CNIH3: variants seen among roughly 807,000 people sequenced by gnomAD.
CNIH3 encodes the protein protein cornichon homolog 3.
Under a neutral mutation model 24.1 loss-of-function variants are expected in CNIH3, and 14 were observed. The ratio of observed to expected loss-of-function variants is 0.58; its 90% CI spans 0.38 to 0.91. The LOEUF is 0.91. CNIH3 is among the 40% of genes least tolerant of loss of function. The pLI, the probability that CNIH3 is intolerant of heterozygous loss-of-function variation, is 0.00. For synonymous variants in CNIH3, 68 were observed against 73.8 expected (o/e 0.92, Z 0.40); for missense variants, 178 against 196.8 (o/e 0.90, Z 0.57).
intron 3 of CNIH3, among the ~76,000 whole-genome samples, chr1:224,559,025 G>T (rs771764616): frequency 6.6e-6 from 1 of 152,192 alleles, no homozygotes; most frequent in Non-Finnish European, 1.5e-5. Context: ...GTACTTAAAA[G>T]CACGCTTTGC....
chr1:224,493,027 G>A (rs751312063), intron 1 of CNIH3, among the ~76,000 whole-genome samples: 3 of 152,182 alleles, frequency 2.0e-5, no homozygotes, highest in Non-Finnish European at 4.4e-5. Context: ...TAAGGATTGA[G>A]TCAACGATTT....
At chr1:224,682,490 C>T (rs1053872212) in intron 2 of CNIH3, among the ~76,000 whole-genome samples, 1 of 152,198 alleles carries the variant, frequency 6.6e-6, no homozygotes, top group East Asian at 1.9e-4. Flanking sequence ...CGAACTCTTT[C>T]AAAGCAAATT....
chr1:224,656,358 C>G (rs1685094731), intron 1 of CNIH3, among the ~76,000 whole-genome samples: 1 of 152,120 alleles, frequency 6.6e-6, no homozygotes, highest in Non-Finnish European at 1.5e-5. Flanking sequence ...TTTTAAAATA[C>G]CAGAATATGG....
intron 1 of CNIH3, among the ~76,000 whole-genome samples, chr1:224,677,126 AC>A (rs1686177711): frequency 6.6e-6 from 1 of 152,156 alleles, no homozygotes; most frequent in Admixed American, 6.5e-5. Flanking sequence ...CTGAAATGGG[AC>A]CAGTAATAGT....
Position 224,684,692 on chromosome 1 carries a change from G to C in CNIH3, c.151-104G>C. 1 of 1,003,572 alleles carries C rather than the reference G, an allele frequency of 1.0e-6. No individual in the cohort carries two copies. The highest frequency in any genetic ancestry group is 1.6e-6 in the Non-Finnish European group (1 of 628,240). 62.2% of individuals were successfully genotyped at this position (1,003,572 alleles called of 1,614,324 possible). ...GCCATGTGCCCAGGAGGGGTCTCTG[G>C]TGGCTTCTGCCTCCACTATTGGGGC... On this transcript the variant is annotated intron_variant, in intron 2 of 5. Transcript: ENST00000272133. The surrounding 1 kb of genome is among the most constrained non-coding windows in gnomAD (Gnocchi z 4.2).
chr1:224,554,894 A>G (rs185888543), intron 3 of CNIH3, among the ~76,000 whole-genome samples: 39 of 152,334 alleles, frequency 2.6e-4, no homozygotes, highest in Non-Finnish European at 5.3e-4. Flanking sequence ...GTCCAGTATA[A>G]CAACTACTTA....
chr1:224,453,754 C>T (rs1227665427), intron 1 of CNIH3, among the ~76,000 whole-genome samples: 1 of 152,046 alleles, frequency 6.6e-6, no homozygotes, highest in Non-Finnish European at 1.5e-5. Context: ...TCAAGCCATC[C>T]TTCTGCCTCA....
At chr1:224,691,399 C>T (rs1686926533) in intron 3 of CNIH3, among the ~76,000 whole-genome samples, 1 of 152,218 alleles carries the variant, frequency 6.6e-6, no homozygotes, top group Non-Finnish European at 1.5e-5. Flanking sequence ...GGTGACAGGA[C>T]TTGTCCACTG....
intron 1 of CNIH3, among the ~76,000 whole-genome samples, chr1:224,472,788 TA>T (rs996001521): frequency 6.6e-6 from 1 of 152,084 alleles, no homozygotes; most frequent in Non-Finnish European, 1.5e-5. Context: ...CCTATTGAAA[TA>T]AAAAAATTAA....
At chr1:224,611,687 T>G (rs955750369), upstream of CNIH3, 3 of 152,200 alleles carry the variant, frequency 2.0e-5, no homozygotes, top group Admixed American at 2.0e-4. Flanking sequence ...AAAAATCAAG[T>G]AATTGGCTTT....
intron 3 of CNIH3, among the ~76,000 whole-genome samples, chr1:224,705,536 C>T (rs1169185869): frequency 2.0e-5 from 3 of 152,260 alleles, no homozygotes; most frequent in African/African-American, 4.8e-5. Context: ...TTTCCCCTCC[C>T]TCCTGGGATC....
chr1:224,630,289 C>T (rs1384087602), intron 1 of CNIH3, among the ~76,000 whole-genome samples: 1 of 152,110 alleles, frequency 6.6e-6, no homozygotes, highest in Admixed American at 6.5e-5. Context: ...ACCAGGCGGC[C>T]TTACCTGTGC....
intron 1 of CNIH3, among the ~76,000 whole-genome samples, chr1:224,501,450 T>C (rs951485849): frequency 8.6e-5 from 13 of 151,684 alleles, no homozygotes; most frequent in Admixed American, 3.9e-4. Context: ...CTTAGAGTGA[T>C]ATAAGCGAAT....
chr1:224,657,409 T>TAGAGAGAGAGAG (rs142879463), intron 1 of CNIH3, among the ~76,000 whole-genome samples: 1 of 146,822 alleles, frequency 6.8e-6, no homozygotes, highest in Non-Finnish European at 1.5e-5. Flanking sequence ...AGAAATAGGG[T>TAGAGAGAGAGAG]AGAGAGAGAG....
intron 1 of CNIH3, among the ~76,000 whole-genome samples, chr1:224,489,414 T>C (rs902275565): frequency 1.3e-5 from 2 of 152,168 alleles, no homozygotes; most frequent in African/African-American, 4.8e-5. Context: ...TTCACACCAG[T>C]AAGACTTTGG....
chr1:224,668,152 A>G (rs1685685725), intron 1 of CNIH3, among the ~76,000 whole-genome samples: 2 of 152,240 alleles, frequency 1.3e-5, no homozygotes, highest in Non-Finnish European at 2.9e-5. Flanking sequence ...ACAGTTATAT[A>G]TGTAAGAGAG....
At chr1:224,580,016 C>A (rs1681205019) in intron 4 of CNIH3, among the ~76,000 whole-genome samples, 1 of 152,124 alleles carries the variant, frequency 6.6e-6, no homozygotes, top group South Asian at 2.1e-4. Flanking sequence ...CGAAATCAGT[C>A]TGTAAATCTT....
At chr1:224,459,201 A>C (rs1362567008) in intron 1 of CNIH3, 1 of 64,556 alleles carries the variant, frequency 1.5e-5, no homozygotes, top group African/African-American at 4.9e-5. Flanking sequence ...GCTTAGATCA[A>C]GTCTTCAGCA....
chr1:224,716,680 C>T (rs146792127), intron 3 of CNIH3, among the ~76,000 whole-genome samples: 58 of 152,160 alleles, frequency 3.8e-4, no homozygotes, highest in African/African-American at 1.3e-3. Flanking sequence ...TTTTGAGGCA[C>T]CCAGGAGGGA....
Sources: gnomAD v4.1 joint callset for allele counts (sites outside exome capture counted in the v4.1 genomes callset) on GRCh38, gnomAD v4.1.1 for gene constraint, Gnocchi (gnomAD v3.1) non-coding constraint, MANE v1.5 for transcripts, NCBI Gene and HGNC (gene_info 2026-07-23, HGNC 2026-07-21) for gene names.